KCTD16: variants seen among roughly 807,000 people sequenced by gnomAD.
The protein encoded by KCTD16 is potassium channel tetramerization domain containing 16.
In KCTD16, 13 loss-of-function variants were observed where a neutral mutation model predicts 33.2. The ratio of observed to expected loss-of-function variants is 0.39; its 90% CI spans 0.25 to 0.62. The LOEUF is 0.62. KCTD16 is among the 20% of genes least tolerant of loss of function. The pLI, the probability that KCTD16 is intolerant of heterozygous loss-of-function variation, is 0.50. For synonymous variants in KCTD16, 197 were observed against 195.3 expected (o/e 1.01, Z -0.07); for missense variants, 441 against 525.1 (o/e 0.84, Z 1.57).
chr5:144,364,051 G>A (rs1751777659), intron 3 of KCTD16, among the ~76,000 whole-genome samples: 1 of 152,114 alleles, frequency 6.6e-6, no homozygotes, highest in African/African-American at 2.4e-5. Flanking sequence ...TTAGATGGTT[G>A]CATTCTTAAG....
intron 3 of KCTD16, among the ~76,000 whole-genome samples, chr5:144,452,160 A>T (rs1580975843): frequency 6.8e-6 from 1 of 148,068 alleles, no homozygotes. Flanking sequence ...ATATATATAT[A>T]TATATTCCTG....
intron 3 of KCTD16, among the ~76,000 whole-genome samples, chr5:144,357,720 A>G (rs1475040281): frequency 6.6e-6 from 1 of 152,182 alleles, no homozygotes; most frequent in Non-Finnish European, 1.5e-5. Context: ...CTAGGTGGAG[A>G]AAGAGGTGAA....
chr5:144,182,566 G>T (rs1280096324), intron 2 of KCTD16, among the ~76,000 whole-genome samples: 1 of 152,180 alleles, frequency 6.6e-6, no homozygotes, highest in African/African-American at 2.4e-5. Context: ...CAGCAGGAGG[G>T]CTATGAAGGT....
chr5:144,336,592 T>G (rs1481815645), intron 3 of KCTD16, among the ~76,000 whole-genome samples: 1 of 152,168 alleles, frequency 6.6e-6, no homozygotes, highest in Non-Finnish European at 1.5e-5. Flanking sequence ...GGATATTATT[T>G]TAAAATCCTC....
intron 3 of KCTD16, among the ~76,000 whole-genome samples, chr5:144,318,107 T>C: frequency 6.6e-6 from 1 of 152,232 alleles, no homozygotes; most frequent in East Asian, 1.9e-4. Flanking sequence ...TTCCTTTCAA[T>C]TCCAAGTTGA....
At position 144,332,071 on chromosome 5, in the gene KCTD16, G is replaced by A. The variant is rs558114314; in HGVS notation, c.832+124525G>A. ...AAAAGACAACAGATTAAAGCAACAG[G>A]TTTTATTTTCTCCCTCTGATTCCTA... On this transcript the variant is annotated intron_variant, in intron 3 of 3. Transcript: ENST00000512467. 2.6e-5 allele frequency among the ~76,000 whole-genome samples: 4 copies of A among 152,146 alleles called. No homozygotes were observed. In the South Asian group the frequency reaches 8.3e-4, roughly 32 times the overall value.
At chr5:144,284,108 A>G (rs1755677579) in intron 3 of KCTD16, among the ~76,000 whole-genome samples, 1 of 152,176 alleles carries the variant, frequency 6.6e-6, no homozygotes, top group Admixed American at 6.5e-5. Context: ...CTCCCCTTAG[A>G]ACAACTTTAG....
At chr5:144,422,463 C>T (rs887175406) in intron 3 of KCTD16, among the ~76,000 whole-genome samples, 9 of 152,148 alleles carry the variant, frequency 5.9e-5, no homozygotes, top group African/African-American at 2.2e-4. Flanking sequence ...ACAGGCTGTA[C>T]TGAAAACTTT....
chr5:144,325,915 G>C (rs928948499), intron 3 of KCTD16, among the ~76,000 whole-genome samples: 4 of 152,144 alleles, frequency 2.6e-5, no homozygotes, highest in Non-Finnish European at 5.9e-5. Context: ...ATTAGTAAAA[G>C]ATTCCATGTA....
chr5:144,188,076 A>G (rs1000397621), intron 2 of KCTD16, among the ~76,000 whole-genome samples: 1 of 152,188 alleles, frequency 6.6e-6, no homozygotes, highest in African/African-American at 2.4e-5. Flanking sequence ...GGCTCTGATA[A>G]TCTGCCATCA....
intron 2 of KCTD16, among the ~76,000 whole-genome samples, chr5:144,190,512 G>A (rs186926496): frequency 1.3e-5 from 2 of 152,280 alleles, no homozygotes; most frequent in Non-Finnish European, 2.9e-5. Flanking sequence ...ATGTAGTAGT[G>A]ATTCAGTAAT....
chr5:144,393,963 CTT>C (rs70995050), intron 3 of KCTD16, among the ~76,000 whole-genome samples: 166 of 121,956 alleles, frequency 1.4e-3, no homozygotes, highest in African/African-American at 4.1e-3. Context: ...TTTCTTTTTT[CTT>C]TTTTTTTTTT....
chr5:144,307,397 A>G (rs1265668619), intron 3 of KCTD16, among the ~76,000 whole-genome samples: 2 of 152,206 alleles, frequency 1.3e-5, no homozygotes, highest in Non-Finnish European at 2.9e-5. Flanking sequence ...GGACTGAGAC[A>G]GCATCTTGCT....
chr5:144,377,635 C>T (rs1486601164), intron 3 of KCTD16: 1 of 152,116 alleles, frequency 6.6e-6, no homozygotes, highest in Non-Finnish European at 1.5e-5. Flanking sequence ...AAGAGAAGCC[C>T]TCCCTAAATT....
chr5:144,371,707 T>C (rs527532606), intron 3 of KCTD16, among the ~76,000 whole-genome samples: 1 of 152,074 alleles, frequency 6.6e-6, no homozygotes, highest in African/African-American at 2.4e-5. Flanking sequence ...AAATTAACAC[T>C]GTGGTGAGGG....
intron 3 of KCTD16, among the ~76,000 whole-genome samples, chr5:144,342,479 A>C (rs1359657325): frequency 1.3e-5 from 2 of 152,172 alleles, no homozygotes; most frequent in African/African-American, 4.8e-5. Context: ...TTTTGGGCTG[A>C]GACAATGGGG....
chr5:144,339,553 A>G (rs562293657), intron 3 of KCTD16, among the ~76,000 whole-genome samples: 5 of 152,258 alleles, frequency 3.3e-5, no homozygotes, highest in Non-Finnish European at 5.9e-5. Flanking sequence ...TTACTTCTCT[A>G]TGTTATTCTT....
chr5:144,278,388 C>T (rs1398540622), intron 3 of KCTD16, among the ~76,000 whole-genome samples: 1 of 151,380 alleles, frequency 6.6e-6, no homozygotes, highest in Non-Finnish European at 1.5e-5. Flanking sequence ...CCACCTTGTC[C>T]TGTTTACTGT....
intron 3 of KCTD16, among the ~76,000 whole-genome samples, chr5:144,309,093 A>G (rs1278284585): frequency 6.6e-6 from 1 of 152,172 alleles, no homozygotes; most frequent in Non-Finnish European, 1.5e-5. Context: ...ATGAACTATC[A>G]CATTTCTCAT....
Sources: gnomAD v4.1 joint callset for allele counts (sites outside exome capture counted in the v4.1 genomes callset) on GRCh38, gnomAD v4.1.1 for gene constraint, MANE v1.5 for transcripts, NCBI Gene and HGNC (gene_info 2026-07-23, HGNC 2026-07-21) for gene names.